The following EGFLAM variants were observed in gnomAD, a reference collection of about 807,000 sequenced individuals.
EGFLAM encodes pikachurin.
EGFLAM carries 79 observed loss-of-function variants against 113.1 expected under a neutral mutation model. That is an observed-to-expected ratio of 0.70 (90% CI 0.58 to 0.84). The LOEUF (loss-of-function observed/expected upper bound fraction) is 0.84, where lower values mean the gene tolerates loss of function less well. EGFLAM is among the 40% of genes least tolerant of loss of function. The probability of loss-of-function intolerance (pLI) is 0.00; values close to 1 mark genes in which losing one functional copy is unlikely to be tolerated. For synonymous variants in EGFLAM, 504 were observed against 487.6 expected, an observed-to-expected ratio of 1.03 and a Z score of -0.44; for missense variants, 1,265 against 1,291.6, an observed-to-expected ratio of 0.98 and a Z score of 0.32.
At chr5:38,313,909 A>C (rs1250946503) in intron 1 of EGFLAM, among the ~76,000 whole-genome samples, 1 of 152,166 alleles carries the variant, frequency 6.6e-6, no homozygotes, top group Admixed American at 6.5e-5. Flanking sequence ...AACGATATTA[A>C]TCTTTGTCTG....
chr5:38,416,811 A>G (rs1741655812), intron 11 of EGFLAM, among the ~76,000 whole-genome samples: 1 of 152,196 alleles, frequency 6.6e-6, no homozygotes, highest in African/African-American at 2.4e-5. Context: ...AAACAGCGTA[A>G]CCTGACCCTG....
intron 1 of EGFLAM, among the ~76,000 whole-genome samples, chr5:38,285,156 A>G (rs1034024556): frequency 6.6e-6 from 1 of 152,218 alleles, no homozygotes; most frequent in Non-Finnish European, 1.5e-5. Flanking sequence ...CTTTTTTAAA[A>G]AAATGAGAGC....
At chr5:38,425,297 A>G (rs1396889556) in intron 13 of EGFLAM, among the ~76,000 whole-genome samples, 1 of 152,092 alleles carries the variant, frequency 6.6e-6, no homozygotes, top group African/African-American at 2.4e-5. Flanking sequence ...CTTCTGCCTC[A>G]GCTCCCGAGT....
intron 5 of EGFLAM, among the ~76,000 whole-genome samples, chr5:38,368,085 A>T (rs1740110259): frequency 6.6e-6 from 1 of 152,228 alleles, no homozygotes; most frequent in South Asian, 2.1e-4. Context: ...GCAGACTGTG[A>T]GAATAGATAT....
At chr5:38,347,787 A>G (rs966160755) in intron 3 of EGFLAM, among the ~76,000 whole-genome samples, 8 of 152,148 alleles carry the variant, frequency 5.3e-5, no homozygotes, top group African/African-American at 1.9e-4. Flanking sequence ...ATCAGATTGC[A>G]TATTTAGAAA....
chr5:38,458,571 C>T (rs371404652), intron 20 of EGFLAM, among the ~76,000 whole-genome samples, 177 bp downstream of exon 20: 93 of 152,318 alleles, frequency 6.1e-4, no homozygotes, highest in African/African-American at 2.2e-3. Flanking sequence ...TACATTGACA[C>T]TATCAGGCCA....
intron 1 of EGFLAM, among the ~76,000 whole-genome samples, chr5:38,304,474 A>G (rs1758677028): frequency 6.6e-6 from 1 of 152,232 alleles, no homozygotes; most frequent in Non-Finnish European, 1.5e-5. Flanking sequence ...CGGAGACCTC[A>G]GTCTTCTTCC....
At chr5:38,370,882 T>A (rs1740196081) in intron 6 of EGFLAM, among the ~76,000 whole-genome samples, 1 of 152,126 alleles carries the variant, frequency 6.6e-6, no homozygotes, top group Non-Finnish European at 1.5e-5. Context: ...TCAAACAACA[T>A]CAACTCCTCT....
chr5:38,431,143 T>TACA, intron 14 of EGFLAM, 34 bp from the exon 15 acceptor site: 4 of 1,590,976 alleles, frequency 2.5e-6, no homozygotes, highest in African/African-American at 2.7e-5. Context: ...ATCAACTCGA[T>TACA]ACATAAAAAT....
At chr5:38,437,941 T>G (rs537230039) in intron 16 of EGFLAM, among the ~76,000 whole-genome samples, 100 of 152,132 alleles carry the variant, frequency 6.6e-4, no homozygotes, top group African/African-American at 2.2e-3. Flanking sequence ...CTGGCCAACA[T>G]GGTGAAACCC....
At position 38,438,390 on chromosome 5, in the gene EGFLAM, G is replaced by T; in HGVS notation, c.2399G>T (p.Arg800Leu). 4 of 1,613,946 alleles carry T rather than the reference G, an allele frequency of 2.5e-6. No homozygotes were observed. The highest frequency in any genetic ancestry group is 3.4e-6 in the Non-Finnish European group (4 of 1,179,940). ...RAPCAHGGSC[R>L]PRKEGYDCDC... ...CCTTGTGCCCATGGGGGCAGCTGCC[G>T]GCCCAGGAAGGAGGGCTATGACTGT... is the stretch of plus-strand genomic sequence containing the variant. The change falls in exon 17 of 22, where the codon CGG (arginine) becomes CTG (leucine). Residue 800 changes from arginine (R) to leucine (L), a missense_variant. Arg to Leu is a moderately radical substitution (Grantham distance 102). Coordinates refer to ENST00000322350, the MANE Select transcript of EGFLAM (RefSeq NM_152403.4).
At chr5:38,387,290 G>A (rs546424325) in intron 6 of EGFLAM, among the ~76,000 whole-genome samples, 3 of 152,290 alleles carry the variant, frequency 2.0e-5, no homozygotes, top group Non-Finnish European at 2.9e-5. Context: ...GATAAAGGCC[G>A]TATGATGGCC....
chr5:38,296,484 T>C (rs1758455068), intron 1 of EGFLAM, among the ~76,000 whole-genome samples: 1 of 152,100 alleles, frequency 6.6e-6, no homozygotes, highest in South Asian at 2.1e-4. Context: ...GCATTTTCTT[T>C]ACAGTAGAAT....
intron 1 of EGFLAM, among the ~76,000 whole-genome samples, chr5:38,311,862 C>G (rs1211880194): frequency 6.6e-6 from 1 of 152,128 alleles, no homozygotes; most frequent in Non-Finnish European, 1.5e-5. Flanking sequence ...CAATGAGGCT[C>G]TATTCCCTTA....
intron 1 of EGFLAM, among the ~76,000 whole-genome samples, chr5:38,291,261 T>G (rs572963182): frequency 2.6e-5 from 4 of 152,230 alleles, no homozygotes; most frequent in Non-Finnish European, 4.4e-5. Context: ...ATAAGGCAGG[T>G]AAATATGACT....
At chr5:38,377,175 G>A (rs1204664308) in intron 6 of EGFLAM, among the ~76,000 whole-genome samples, 1 of 151,484 alleles carries the variant, frequency 6.6e-6, no homozygotes, top group Non-Finnish European at 1.5e-5. Flanking sequence ...AGGCTGGAGT[G>A]CAGTCGTGCG....
chr5:38,354,556 C>T (rs554535933), intron 5 of EGFLAM, among the ~76,000 whole-genome samples: 178 of 152,206 alleles, frequency 1.2e-3, no homozygotes, highest in African/African-American at 4.0e-3. Context: ...TGGTGAAACC[C>T]CATCTCTACT....
At chr5:38,424,073 C>T (rs1259666601) in intron 12 of EGFLAM, among the ~76,000 whole-genome samples, 2 of 152,150 alleles carry the variant, frequency 1.3e-5, no homozygotes, top group African/African-American at 4.8e-5. Flanking sequence ...TCTACCTCCA[C>T]CCCCAGAAAA....
At chr5:38,265,792 A>G (rs1757619485) in intron 1 of EGFLAM, among the ~76,000 whole-genome samples, 1 of 152,222 alleles carries the variant, frequency 6.6e-6, no homozygotes, top group Non-Finnish European at 1.5e-5. Flanking sequence ...CCTCAGCAGT[A>G]ATTCCTGCAC....
Sources: gnomAD v4.1 joint callset for allele counts (sites outside exome capture counted in the v4.1 genomes callset) on GRCh38, gnomAD v4.1.1 for gene constraint, MANE v1.5 for transcripts, NCBI Gene and HGNC (gene_info 2026-07-23, HGNC 2026-07-21) for gene names.